The following PRKCH variants were observed in gnomAD, a reference collection of about 807,000 sequenced individuals.
PRKCH encodes protein kinase C eta type.
A neutral mutation model predicts 82.5 loss-of-function variants in PRKCH; 28 were observed. The ratio of observed to expected loss-of-function variants is 0.34; its 90% CI spans 0.25 to 0.47. The LOEUF (loss-of-function observed/expected upper bound fraction) is 0.47. PRKCH is among the 20% of genes least tolerant of loss of function. The probability of loss-of-function intolerance (pLI) is 1.00; values close to 1 mark genes in which losing one functional copy is unlikely to be tolerated. For synonymous variants in PRKCH, 322 were observed against 327.4 expected (o/e 0.98, Z 0.18); for missense variants, 705 against 881.8 (o/e 0.80, Z 2.54).
chr14:61,350,169 T>A (rs2046052435), intron 1 of PRKCH, among the ~76,000 whole-genome samples: 1 of 152,194 alleles, frequency 6.6e-6, no homozygotes, highest in African/African-American at 2.4e-5. Flanking sequence ...CATTGTATTG[T>A]CTTTCTCTCT....
intron 2 of PRKCH, among the ~76,000 whole-genome samples, chr14:61,411,725 G>C (rs922567333): frequency 5.3e-5 from 8 of 152,230 alleles, no homozygotes; most frequent in Non-Finnish European, 1.2e-4. Flanking sequence ...GGCCACTAGA[G>C]ATCATGGGAT....
At chr14:61,380,896 A>G (rs932305104) in intron 1 of PRKCH, among the ~76,000 whole-genome samples, 1 of 152,228 alleles carries the variant, frequency 6.6e-6, no homozygotes, top group African/African-American at 2.4e-5. Context: ...TTGCCAGATG[A>G]TAACACTTCC....
At chr14:61,390,342 G>C (rs183880754) in intron 1 of PRKCH, among the ~76,000 whole-genome samples, 5 of 152,296 alleles carry the variant, frequency 3.3e-5, no homozygotes, top group African/African-American at 1.2e-4. Flanking sequence ...TCAGCTGATA[G>C]GTAACTTCAA....
intron 10 of PRKCH, among the ~76,000 whole-genome samples, chr14:61,515,581 G>A (rs1188272495): frequency 6.6e-6 from 1 of 152,160 alleles, no homozygotes; most frequent in Admixed American, 6.5e-5. Context: ...TGTTGTGGCT[G>A]GTTGGGTTTA....
intron 10 of PRKCH, among the ~76,000 whole-genome samples, chr14:61,528,620 A>G (rs1230065832): frequency 1.3e-5 from 2 of 152,226 alleles, no homozygotes; most frequent in East Asian, 1.9e-4. Flanking sequence ...AGTTCCTTGC[A>G]GATGAAGATC....
intron 2 of PRKCH, among the ~76,000 whole-genome samples, chr14:61,410,210 T>C (rs1259816815): frequency 1.3e-5 from 2 of 152,212 alleles, no homozygotes; most frequent in African/African-American, 4.8e-5. Context: ...CACTTAGGAC[T>C]TCACCCCCAC....
intron 1 of PRKCH, among the ~76,000 whole-genome samples, chr14:61,354,618 A>T (rs553996311): frequency 1.4e-4 from 21 of 152,238 alleles, no homozygotes; most frequent in Admixed American, 1.4e-3. Flanking sequence ...TACAGAGATG[A>T]ATTTTAGAAC....
intron 1 of PRKCH, among the ~76,000 whole-genome samples, chr14:61,196,915 A>T (rs1484395279): frequency 6.6e-6 from 1 of 152,192 alleles, no homozygotes; most frequent in Admixed American, 6.5e-5. Context: ...TCACACCTGC[A>T]GGCTTATTGC....
At chr14:61,373,537 C>G (rs2046390615) in intron 1 of PRKCH, among the ~76,000 whole-genome samples, 1 of 151,892 alleles carries the variant, frequency 6.6e-6, no homozygotes, top group Non-Finnish European at 1.5e-5. Flanking sequence ...CGCCCCTGGC[C>G]CCTCCCAAAT....
At chr14:61,382,844 T>C (rs2046532256) in intron 1 of PRKCH, among the ~76,000 whole-genome samples, 1 of 152,226 alleles carries the variant, frequency 6.6e-6, no homozygotes, top group Non-Finnish European at 1.5e-5. Flanking sequence ...TGTGATCAAT[T>C]CTAATGGCTT....
chr14:61,277,892 A>C lies in PRKCH; in HGVS notation c.-19+90224A>C, dbSNP rs370516145. ...AAGATGGTTTTCTTGCTGCAATGTA[A>C]ATCTGCTATTAAGAAATTAGCAAAG... On this transcript the variant is annotated intron_variant, in intron 1 of 3. Coordinates refer to the PRKCH transcript ENST00000555185. 2.0e-5 allele frequency: 3 copies of C among 152,230 alleles called. No individual in the cohort carries two copies. The East Asian group carries it at 5.8e-4, about 29-fold the overall frequency. 9.4% of individuals were successfully genotyped at this position (152,230 alleles called of 1,614,324 possible).
chr14:61,526,061 C>T (rs1213127900), intron 10 of PRKCH, among the ~76,000 whole-genome samples: 1 of 152,218 alleles, frequency 6.6e-6, no homozygotes, highest in African/African-American at 2.4e-5. Context: ...GTGGTGGCCT[C>T]CTTCACTGGG....
At chr14:61,453,872 G>A (rs184942106) in intron 7 of PRKCH, among the ~76,000 whole-genome samples, 21 of 151,490 alleles carry the variant, frequency 1.4e-4, no homozygotes, top group African/African-American at 5.1e-4. Context: ...TGCGCAGGCT[G>A]GTCTCAAACT....
In PRKCH at chr14:61,222,356, T is replaced by G. The variant is rs1406218850; in HGVS notation, c.-19+34688T>G. Reference sequence around the variant, plus strand: ...GTGTGTGTTTTTGTTATTTATTTGGTGTTGTGTAGATCAGAGAAGCATTTT... The same window carrying G: ...GTGTGTGTTTTTGTTATTTATTTGGGGTTGTGTAGATCAGAGAAGCATTTT... On this transcript the variant is annotated intron_variant, in intron 1 of 3. Transcript: ENST00000555185. Among the ~76,000 whole-genome samples the G allele has an allele frequency of 5.3e-5, 8 of 152,362 alleles. No individual in the cohort carries two copies. In the South Asian group the frequency reaches 1.4e-3, roughly 28 times the overall value.
intron 1 of PRKCH, among the ~76,000 whole-genome samples, chr14:61,372,857 G>A (rs1044323927): frequency 6.6e-6 from 1 of 151,998 alleles, no homozygotes; most frequent in Non-Finnish European, 1.5e-5. Context: ...AATGCTTAGT[G>A]TTCTCTGTCT....
intron 1 of PRKCH, among the ~76,000 whole-genome samples, chr14:61,247,782 G>T (rs1345688382): frequency 4.8e-5 from 6 of 125,778 alleles, no homozygotes; most frequent in East Asian, 2.3e-4. Flanking sequence ...GAATTGAACA[G>T]AAAAAATAAG....
chr14:61,402,978 T>C (rs989986858), intron 2 of PRKCH, among the ~76,000 whole-genome samples: 2 of 152,108 alleles, frequency 1.3e-5, no homozygotes, highest in Admixed American at 1.3e-4. Flanking sequence ...CTGCACCCAC[T>C]AACTCATCCT....
chr14:61,490,164 C>G (rs1294172059), intron 10 of PRKCH, among the ~76,000 whole-genome samples: 1 of 152,124 alleles, frequency 6.6e-6, no homozygotes, highest in African/African-American at 2.4e-5. Context: ...CAAATGCTTC[C>G]CGTGGTATTT....
At chr14:61,439,002 A>G (rs1457778611) in intron 2 of PRKCH, among the ~76,000 whole-genome samples, 1 of 152,160 alleles carries the variant, frequency 6.6e-6, no homozygotes, top group Non-Finnish European at 1.5e-5. Context: ...CCGTGCTGGG[A>G]CACAGAGCCA....
Sources: allele counts gnomAD v4.1 joint callset (sites outside exome capture counted in the v4.1 genomes callset), GRCh38; gene constraint gnomAD v4.1.1; transcripts MANE v1.5; gene names NCBI Gene and HGNC (gene_info 2026-07-23, HGNC 2026-07-21).